Variants in MICAL2 observed in about 807,000 individuals in gnomAD.
MICAL2 encodes the protein [F-actin]-monooxygenase MICAL2.
In MICAL2, 77 loss-of-function variants were observed where a neutral mutation model predicts 127.3. The observed-to-expected ratio is 0.60, with a 90% CI of 0.50 to 0.73. The LOEUF (loss-of-function observed/expected upper bound fraction) is 0.73, where lower values mean the gene tolerates loss of function less well. Ranked by LOEUF, MICAL2 falls within the 30% of genes least tolerant of loss-of-function variation. MICAL2 has a pLI of 0.00. For synonymous variants in MICAL2, 570 were observed against 551.1 expected, an observed-to-expected ratio of 1.03 and a Z score of -0.48; for missense variants, 1,351 against 1,434.4, an observed-to-expected ratio of 0.94 and a Z score of 0.94.
At chr11:12,239,369 C>T (rs1456436707) in intron 16 of MICAL2, 67 bp from the exon 17 acceptor site, 2 of 1,606,906 alleles carry the variant, frequency 1.2e-6, no homozygotes, top group African/African-American at 1.3e-5. Flanking sequence ...TCCTGAGTCC[C>T]CAAGTCTGCT....
At chr11:12,321,962 AGG>A (rs1347075742) in intron 30 of MICAL2, among the ~76,000 whole-genome samples, 9 of 151,996 alleles carry the variant, frequency 5.9e-5, no homozygotes, top group Non-Finnish European at 1.0e-4. Flanking sequence ...GCACAAGGAA[AGG>A]CAGTATAGAC....
intron 2 of MICAL2, among the ~76,000 whole-genome samples, chr11:12,148,805 G>A (rs187797463): frequency 1.4e-5 from 2 of 138,558 alleles, no homozygotes; most frequent in Admixed American, 1.4e-4. Flanking sequence ...AGAGTACAGT[G>A]TAGAAAAGGG....
downstream of MICAL2, among the ~76,000 whole-genome samples, chr11:12,360,292 G>A (rs886475053): frequency 6.6e-6 from 1 of 152,072 alleles, no homozygotes; most frequent in East Asian, 1.9e-4. Context: ...TCATAATTCA[G>A]GTTTTCAGGT....
At chr11:12,344,717 T>C (rs1589920937) in intron 32 of MICAL2, among the ~76,000 whole-genome samples, 1 of 150,136 alleles carries the variant, frequency 6.7e-6, no homozygotes, top group Non-Finnish European at 1.5e-5. Context: ...GCTCAGCTGG[T>C]CTTGAACTCC....
chr11:12,195,739 A>G (rs557664866), intron 3 of MICAL2, among the ~76,000 whole-genome samples: 27 of 149,546 alleles, frequency 1.8e-4, no homozygotes, highest in African/African-American at 6.6e-4. Flanking sequence ...AAATAGCAAT[A>G]TATATATTTT....
Position 12,242,732 on chromosome 11 carries a change from C to T in MICAL2, c.2618C>T (p.Ala873Val), listed in dbSNP as rs35570335. 3.7e-6 allele frequency: 6 copies of T among 1,611,324 alleles called. No individual in the cohort carries two copies. The African/African-American group carries it at 5.4e-5, about 14-fold the overall frequency. Reference sequence around the variant, plus strand: ...ACAAAGAACATTAAGGAGAAGGCGGCTCACCTTGCCTCCATGTTTGGACAC... The same window carrying T: ...ACAAAGAACATTAAGGAGAAGGCGGTTCACCTTGCCTCCATGTTTGGACAC... ...FHTKNIKEKAAHLASMFGHGD... is the reference protein window; with the variant it reads ...FHTKNIKEKAVHLASMFGHGD... Residue 873 changes from alanine (A) to valine (V), a missense_variant, in exon 20 of 28, where the codon GCT becomes GTT. By Grantham distance (64) the Ala-to-Val change is moderately conservative. Transcript: ENST00000683283.
intron 33 of MICAL2, among the ~76,000 whole-genome samples, chr11:12,350,513 T>TGC (rs1939027326): frequency 6.6e-6 from 1 of 152,194 alleles, no homozygotes; most frequent in Admixed American, 6.5e-5. Context: ...TCAATTGAAG[T>TGC]GCCATAAGTT....
Position 12,330,826 on chromosome 11 carries a change from A to G in MICAL2, c.5515+3560A>G, listed in dbSNP as rs1396920314. On this transcript the variant is annotated intron_variant, in intron 32 of 34. Coordinates refer to the MICAL2 transcript ENST00000646065. ...GAGACAGAGAGAGAGAGAGAGGGAG[A>G]GACAGACAGAGAGAGAGAGAGACAG... Among the ~76,000 whole-genome samples the G allele has an allele frequency of 9.0e-4, 111 of 123,278 alleles. 4 individuals are homozygous for G. In the East Asian group the frequency reaches 0.021, roughly 23 times the overall value. The allele number at this position is 123,278 out of a possible 152,430, so 80.9% of individuals were successfully genotyped here. A position where few individuals can be genotyped will look rare whatever the true frequency, so the allele number is the denominator to read the frequency against.
chr11:12,243,965 CTTCTAT>C lies in MICAL2; in HGVS notation c.2659-17_2659-12del, dbSNP rs770167378. On this transcript the variant is annotated splice_polypyrimidine_tract_variant and intron_variant, in intron 20 of 27. Transcript: ENST00000683283. ...GTGACTCCTGGGATAATCCTTGTTT[CTTCTAT>C]TTCTGTTCTGTGCAGAATAAACTAC... 1.2e-4 allele frequency: 187 copies of C among 1,612,818 alleles called. No homozygotes were observed. The highest frequency in any genetic ancestry group is 1.5e-4 in the Non-Finnish European group (182 of 1,179,018).
At chr11:12,267,213 G>T (rs956275602), downstream of MICAL2, among the ~76,000 whole-genome samples, 1 of 152,168 alleles carries the variant, frequency 6.6e-6, no homozygotes, top group Non-Finnish European at 1.5e-5. Context: ...TCTCAGCAAG[G>T]AGGGGGCATA....
At chr11:12,163,902 T>C (rs11603382) in intron 3 of MICAL2, 24,669 of 152,008 alleles carry the variant, frequency 0.16, 2,334 homozygotes, top group Admixed American at 0.21. Flanking sequence ...CCCATAAAAG[T>C]CAGGTGGCCC....
At chr11:12,305,224 T>C (rs1307072416) in intron 29 of MICAL2, among the ~76,000 whole-genome samples, 1 of 152,146 alleles carries the variant, frequency 6.6e-6, no homozygotes. Context: ...AAACTTACAA[T>C]TGTGGCAGAA....
At chr11:12,231,608 C>G (rs1485839011) in intron 15 of MICAL2, among the ~76,000 whole-genome samples, 2 of 152,212 alleles carry the variant, frequency 1.3e-5, no homozygotes, top group African/African-American at 2.4e-5. Flanking sequence ...GTGAACGAAA[C>G]AAGCGAGGAC....
At position 12,222,720 on chromosome 11, in the gene MICAL2, T is replaced by C; in HGVS notation, c.1426T>C (p.Ser476Pro). 6.2e-7 allele frequency: 1 copy of C among 1,614,178 alleles called. No individual in the cohort carries two copies. The highest frequency in any genetic ancestry group is 8.5e-7 in the Non-Finnish European group (1 of 1,180,024). ...DPGTRYPNLN[S>P]HCVRPHQVKH... ...AGGGACACGGTACCCAAACCTCAAC[T>C]CACACTGTGTCAGGCCCCATCAGGC... The change falls in exon 11 of 28, where the codon TCA becomes CCA. Residue 476 changes from serine (S) to proline (P), a missense_variant. This residue lies in a region of MICAL2 where 599 missense variants were observed against 714.9 expected (regional missense o/e 0.84). Coordinates refer to ENST00000683283, the MANE Select transcript of MICAL2 (RefSeq NM_001282663.2).
At chr11:12,279,973 T>C (rs901480920) in intron 1 of MICAL2, among the ~76,000 whole-genome samples, 2 of 152,212 alleles carry the variant, frequency 1.3e-5, no homozygotes, top group African/African-American at 4.8e-5. Flanking sequence ...TGGATTTCCA[T>C]GTACAGAGAG....
At chr11:12,257,973 C>T (rs1173287880) in intron 24 of MICAL2, among the ~76,000 whole-genome samples, 1 of 152,204 alleles carries the variant, frequency 6.6e-6, no homozygotes, top group Non-Finnish European at 1.5e-5. Context: ...CAAAGAAAGA[C>T]TGAGGGTGTT....
intron 27 of MICAL2, 59 bp downstream of exon 27, chr11:12,262,596 C>G: frequency 2.9e-6 from 4 of 1,397,124 alleles, no homozygotes; most frequent in Non-Finnish European, 4.1e-6. Flanking sequence ...CCGCTTTCCG[C>G]ACCCCGTCCT....
chr11:12,262,885 G>A (rs2134729265), intron 27 of MICAL2: 1 of 219,872 alleles, frequency 4.5e-6, no homozygotes, highest in Admixed American at 5.2e-5. Context: ...AATACCATGA[G>A]GGGGCCTCTG....
intron 26 of MICAL2, chr11:12,260,905 C>G (rs989091447): frequency 1.0e-6 from 1 of 985,356 alleles, no homozygotes; most frequent in Admixed American, 6.1e-5. Context: ...TACAAACATG[C>G]ATTTTCCCTT....
Sources: allele counts gnomAD v4.1 joint callset (sites outside exome capture counted in the v4.1 genomes callset), GRCh38; gene constraint gnomAD v4.1.1; regional missense constraint gnomAD v4.1.1; transcripts MANE v1.5; gene names NCBI Gene and HGNC (gene_info 2026-07-23, HGNC 2026-07-21).